ITSN1: variants seen among roughly 807,000 people sequenced by gnomAD.
The protein encoded by ITSN1 is intersectin-1.
ITSN1 carries 58 observed loss-of-function variants against 239.8 expected under a neutral mutation model. The observed-to-expected ratio is 0.24, with a 90% CI of 0.20 to 0.30. The LOEUF is 0.30. ITSN1 is among the 10% of genes least tolerant of loss of function. The pLI is 1.00. For synonymous variants in ITSN1, 780 were observed against 770.8 expected (o/e 1.01, Z -0.20); for missense variants, 1,558 against 2,103.3 (o/e 0.74, Z 5.07).
chr21:33,727,973 T>TC (rs2065931889), intron 4 of ITSN1, among the ~76,000 whole-genome samples: 1 of 151,714 alleles, frequency 6.6e-6, no homozygotes, highest in East Asian at 1.9e-4. Flanking sequence ...TGGAATTTTT[T>TC]TTTTTTTTTT....
rs370763721 is a variant in ITSN1, at chr21:33,849,815, A to C, written c.3662-6921A>C. On this transcript the variant is annotated intron_variant, in intron 29 of 39. Coordinates refer to ENST00000381318, the MANE Select transcript of ITSN1 (RefSeq NM_003024.3). ...CAATGTACCCACAAAACTTAAAAAT[A>C]AAACAAAAACCAACAGGCTCCTCCT... 1.2e-3 allele frequency among the ~76,000 whole-genome samples: 190 copies of C among 152,320 alleles called. 4 individuals are homozygous for C. In the South Asian group the frequency reaches 0.038, roughly 30 times the overall value.
chr21:33,648,712 G>A (rs1205658771), intron 1 of ITSN1, among the ~76,000 whole-genome samples: 1 of 152,048 alleles, frequency 6.6e-6, no homozygotes, highest in East Asian at 1.9e-4. Flanking sequence ...GTGAGGTGAT[G>A]CCCACCTGTA....
At chr21:33,801,717 A>G (rs983296274) in intron 19 of ITSN1, among the ~76,000 whole-genome samples, 6 of 152,198 alleles carry the variant, frequency 3.9e-5, no homozygotes, top group Admixed American at 1.3e-4. Flanking sequence ...ACAGTAGCAA[A>G]AACCTCTTCA....
chr21:33,819,092 T>A, intron 23 of ITSN1, 149 bp from the exon 24 acceptor site: 1 of 602,252 alleles, frequency 1.7e-6, no homozygotes, highest in South Asian at 2.1e-5. Context: ...TACCTTATTA[T>A]GTGTTTTTAA....
chr21:33,712,620 G>A (rs2092447222), intron 1 of ITSN1, among the ~76,000 whole-genome samples: 1 of 152,152 alleles, frequency 6.6e-6, no homozygotes, highest in African/African-American at 2.4e-5. Context: ...CAAAGACCGT[G>A]TTTCTGTTGG....
intron 16 of ITSN1, among the ~76,000 whole-genome samples, chr21:33,784,310 A>AACACACAC (rs58496273): frequency 0.016 from 2,190 of 134,160 alleles, 44 homozygotes; most frequent in Middle Eastern, 0.022. Context: ...GTCTCTACAA[A>AACACACAC]ACACACACAC....
intron 1 of ITSN1, among the ~76,000 whole-genome samples, chr21:33,664,682 T>C (rs912063958): frequency 1.1e-4 from 16 of 152,210 alleles, no homozygotes; most frequent in Admixed American, 7.2e-4. Flanking sequence ...ATAAGATTGT[T>C]GTGAGGATGT....
At chr21:33,844,110 A>G (rs973732313) in intron 29 of ITSN1, among the ~76,000 whole-genome samples, 8 of 152,182 alleles carry the variant, frequency 5.3e-5, no homozygotes, top group Non-Finnish European at 1.2e-4. Context: ...TCATTGCAAG[A>G]TTTGCCCTAC....
intron 29 of ITSN1, among the ~76,000 whole-genome samples, chr21:33,842,811 C>G (rs28603019): frequency 0.023 from 3,556 of 152,240 alleles, 135 homozygotes; most frequent in African/African-American, 0.081. Context: ...TCTCTGAACT[C>G]TGACCCAGGA....
chr21:33,833,605 CG>C (rs1347735714), intron 27 of ITSN1, among the ~76,000 whole-genome samples: 1 of 152,188 alleles, frequency 6.6e-6, no homozygotes, highest in Non-Finnish European at 1.5e-5. Flanking sequence ...CGGTGGCGCA[CG>C]CCTGTAATCC....
intron 20 of ITSN1, among the ~76,000 whole-genome samples, chr21:33,808,209 C>T (rs983095076): frequency 1.3e-5 from 2 of 151,078 alleles, no homozygotes; most frequent in Admixed American, 1.3e-4. Context: ...AAAAAAAAGA[C>T]CAGGCTTTTA....
chr21:33,799,786 C>T, intron 18 of ITSN1, 22 bp from the exon 19 acceptor site: 6 of 1,611,586 alleles, frequency 3.7e-6, no homozygotes, highest in Non-Finnish European at 5.1e-6. Context: ...TTTTTGTCCC[C>T]CCCACCTTTT....
chr21:33,873,189 CAT>C (rs972235162), intron 33 of ITSN1, among the ~76,000 whole-genome samples: 32 of 152,248 alleles, frequency 2.1e-4, no homozygotes, highest in African/African-American at 7.5e-4. Flanking sequence ...ACTCACAAGA[CAT>C]AGAAAACAGT....
intron 29 of ITSN1, among the ~76,000 whole-genome samples, chr21:33,851,327 G>T (rs73201765): frequency 2.6e-5 from 4 of 152,284 alleles, no homozygotes; most frequent in African/African-American, 9.6e-5. Flanking sequence ...CCCTTAGCAC[G>T]AGGAGTTGCT....
At chr21:33,858,393 G>A (rs114595375) in intron 30 of ITSN1, among the ~76,000 whole-genome samples, 2 of 152,202 alleles carry the variant, frequency 1.3e-5, no homozygotes, top group Non-Finnish European at 2.9e-5. Flanking sequence ...TGCATGACTT[G>A]GTACCGGCCT....
intron 20 of ITSN1, among the ~76,000 whole-genome samples, chr21:33,808,951 C>T (rs2072685129): frequency 6.6e-6 from 1 of 152,178 alleles, no homozygotes; most frequent in South Asian, 2.1e-4. Flanking sequence ...CTGGCAGGAC[C>T]TGGCTTGGAT....
At position 33,897,107 on chromosome 21, in the gene ITSN1, C is replaced by A. The variant is rs969512858; in HGVS notation, c.*8807C>A. 2.0e-5 allele frequency: 3 copies of A among 152,214 alleles called. No individual in the cohort carries two copies. The highest frequency in any genetic ancestry group is 2.0e-4 in the Admixed American group (3 of 15,286). 9.4% of individuals were successfully genotyped at this position (152,214 alleles called of 1,614,324 possible). ...TAAATCAATATCCTTAAAATGTCAT[C>A]TGCTAAACATTCACTGTGACAGAAA... On this transcript the variant is annotated 3_prime_UTR_variant, in exon 40 of 40. Transcript: ENST00000381318.
chr21:33,695,258 T>C (rs917560539), intron 1 of ITSN1, among the ~76,000 whole-genome samples: 10 of 152,252 alleles, frequency 6.6e-5, no homozygotes, highest in Admixed American at 6.5e-5. Flanking sequence ...CTTATTTATT[T>C]TGAGGCCTTA....
intron 29 of ITSN1, chr21:33,837,892 C>G (rs16990924): frequency 0.013 from 12,540 of 985,770 alleles, 353 homozygotes; most frequent in African/African-American, 0.1. Context: ...GAGGTCGTTA[C>G]GATCAACGAT....
Sources: gnomAD v4.1 joint callset for allele counts (sites outside exome capture counted in the v4.1 genomes callset) on GRCh38, gnomAD v4.1.1 for gene constraint, MANE v1.5 for transcripts, NCBI Gene and HGNC (gene_info 2026-07-23, HGNC 2026-07-21) for gene names.